RABEPK: variants seen among roughly 807,000 people sequenced by gnomAD.
RABEPK encodes 40 kDa Rab9 effector protein.
Under a neutral mutation model 34.1 loss-of-function variants are expected in RABEPK, and 27 were observed. The observed-to-expected ratio is 0.79, with a 90% CI of 0.58 to 1.09. The LOEUF is 1.09. Among genes scored for constraint, RABEPK ranks in the 50% least tolerant of loss-of-function variants. The probability of loss-of-function intolerance (pLI) is 0.00; values close to 1 mark genes in which losing one functional copy is unlikely to be tolerated. For missense variants in RABEPK, 449 were observed against 462.6 expected (o/e 0.97, Z 0.27); for synonymous variants, 172 against 169.2 (o/e 1.02, Z -0.13).
chr9:125,210,839 G>GTT (rs201607797), intron 3 of RABEPK, among the ~76,000 whole-genome samples: 10 of 135,526 alleles, frequency 7.4e-5, no homozygotes, highest in Non-Finnish European at 9.2e-5. Context: ...TTAATCTTAA[G>GTT]TTTTGTTTTT....
intron 5 of RABEPK, among the ~76,000 whole-genome samples, chr9:125,224,363 A>G (rs1041920054): frequency 6.6e-6 from 1 of 151,670 alleles, no homozygotes; most frequent in Admixed American, 6.6e-5. Flanking sequence ...CATATTCATA[A>G]CTCTCATGTA....
chr9:125,210,271 C>T (rs562675567), intron 3 of RABEPK, among the ~76,000 whole-genome samples: 10 of 149,930 alleles, frequency 6.7e-5, no homozygotes, highest in South Asian at 2.1e-4. Flanking sequence ...GGCGTGGTGG[C>T]GGGCACCTAT....
At chr9:125,202,417 G>A (rs1182766646) in intron 1 of RABEPK, among the ~76,000 whole-genome samples, 1 of 152,024 alleles carries the variant, frequency 6.6e-6, no homozygotes, top group Non-Finnish European at 1.5e-5. Context: ...AGCTACTCAG[G>A]AGGCTGAGAA....
At chr9:125,205,074 T>C (rs760082899) in intron 2 of RABEPK, among the ~76,000 whole-genome samples, 27 of 151,992 alleles carry the variant, frequency 1.8e-4, no homozygotes, top group Non-Finnish European at 3.1e-4. Flanking sequence ...CCTCCCACTC[T>C]AGCCTCCCAA....
At chr9:125,232,342 TTC>T (rs1832254411) in intron 6 of RABEPK, among the ~76,000 whole-genome samples, 1 of 151,960 alleles carries the variant, frequency 6.6e-6, no homozygotes, top group Non-Finnish European at 1.5e-5. Context: ...TGTATCACAT[TTC>T]TGTGTGATCC....
At chr9:125,219,197 T>G in intron 4 of RABEPK, among the ~76,000 whole-genome samples, 1 of 149,214 alleles carries the variant, frequency 6.7e-6, no homozygotes, top group Non-Finnish European at 1.5e-5. Context: ...ATTTCTTTCT[T>G]TCTTTTTTTT....
rs1422794458 is a variant in RABEPK, at chr9:125,207,654, G to C, written c.144G>C (p.Gly48=). Residue 48 remains glycine (G), a synonymous_variant, in exon 3 of 8, where the codon GGG becomes GGC. Transcript: ENST00000373538. ...YLPPVGNAKR[G]KVFIVGGANP... ...CCCCAGTTGGTAATGCCAAGAGAGG[G>C]AAGGTCTTCATTGTTGGGGGAGCAA... 6.2e-7 allele frequency: 1 copy of C among 1,614,174 alleles called. No homozygotes were observed. The highest frequency in any genetic ancestry group is 8.5e-7 in the Non-Finnish European group (1 of 1,180,024).
At chr9:125,227,031 G>A (rs10121756) in intron 5 of RABEPK, among the ~76,000 whole-genome samples, 85,073 of 151,142 alleles carry the variant, frequency 0.56, 24,158 homozygotes, top group Admixed American at 0.64. Context: ...TTAGCTGCAT[G>A]TGGTGTTGCA....
chr9:125,227,859 G>A, intron 5 of RABEPK, 51 bp from the exon 6 acceptor site: 2 of 1,487,258 alleles, frequency 1.3e-6, no homozygotes, highest in Non-Finnish European at 1.8e-6. Context: ...TGTTTCTCGT[G>A]TTCTTTTTTA....
intron 4 of RABEPK, among the ~76,000 whole-genome samples, chr9:125,216,608 C>T (rs955727274): frequency 3.3e-5 from 5 of 151,912 alleles, no homozygotes; most frequent in Non-Finnish European, 5.9e-5. Context: ...GGAACATAAG[C>T]GCTTTGAAGG....
chr9:125,233,766 C>T lies in RABEPK; in HGVS notation c.905C>T (p.Pro302Leu), dbSNP rs760788635. The change falls in exon 8 of 8, where the codon CCA becomes CTA. Residue 302 changes from proline (P) to leucine (L), a missense_variant. Coordinates refer to ENST00000373538, the MANE Select transcript of RABEPK (RefSeq NM_005833.4). ...GRLDHSMCII[P>L]WPVTCASEKE... is the part of the protein sequence containing the mutation. ...TTGGACCATTCCATGTGTATCATTC[C>T]ATGGCCAGTGACGTGTGCTTCTGAG... 9 of 1,613,942 alleles carry T rather than the reference C, an allele frequency of 5.6e-6. No homozygotes were observed. Among genetic ancestry groups the T allele is most frequent in the East Asian group, 4.5e-5 (2 of 44,878 alleles).
Position 125,233,862 on chromosome 9 carries a change from G to T in RABEPK, c.1001G>T (p.Ser334Ile). The stretch of plus-strand genomic sequence containing the variant: ...GAGGATTCAGCTGACAAAGTAATGA[G>T]CCACAGTGGTGACTCACATGAGGAA... ...EKEDSADKVMSHSGDSHEESQ... is the reference protein window; with the variant it reads ...EKEDSADKVMIHSGDSHEESQ... The change falls in exon 8 of 8, where the codon AGC becomes ATC. Residue 334 changes from serine to isoleucine, a missense_variant. Ser to Ile is a moderately radical substitution (Grantham distance 142, BLOSUM62 -2). Coordinates refer to ENST00000373538, the MANE Select transcript of RABEPK (RefSeq NM_005833.4). 1.2e-6 allele frequency: 2 copies of T among 1,614,190 alleles called. No homozygotes were observed. Among genetic ancestry groups the T allele is most frequent in the Non-Finnish European group, 1.7e-6 (2 of 1,180,034 alleles).
chr9:125,201,804 A>G (rs1006008551), intron 1 of RABEPK, among the ~76,000 whole-genome samples: 29 of 151,910 alleles, frequency 1.9e-4, no homozygotes, highest in African/African-American at 7.0e-4. Context: ...TTTAGTAAAG[A>G]CAGGGTTTCA....
chr9:125,218,357 T>G (rs959059398), intron 4 of RABEPK, among the ~76,000 whole-genome samples: 3 of 133,316 alleles, frequency 2.3e-5, no homozygotes, highest in Admixed American at 7.5e-5. Context: ...AAGAACTGAG[T>G]TCAAACTCCT....
At chr9:125,201,104 T>C (rs1829880049) in intron 1 of RABEPK, among the ~76,000 whole-genome samples, 198 bp downstream of exon 1, 1 of 152,190 alleles carries the variant, frequency 6.6e-6, no homozygotes, top group Admixed American at 6.5e-5. Context: ...TTCCAAATGA[T>C]TCCTGCAATG....
At chr9:125,233,647 G>C in intron 7 of RABEPK, 41 bp from the exon 8 acceptor site, 1 of 1,587,554 alleles carries the variant, frequency 6.3e-7, no homozygotes, top group Non-Finnish European at 8.6e-7. Flanking sequence ...CGGCCTATCT[G>C]GAAATTTCTT....
At chr9:125,221,201 A>AATAAATAAATAC (rs1254852204) in intron 5 of RABEPK, 1 of 149,916 alleles carries the variant, frequency 6.7e-6, no homozygotes, top group Non-Finnish European at 1.5e-5. Context: ...TAAATAAATA[A>AATAAATAAATAC]AACTAAAAAG....
intron 4 of RABEPK, 104 bp from the exon 5 acceptor site, chr9:125,220,435 C>A (rs754577198): frequency 4.0e-6 from 6 of 1,510,014 alleles, no homozygotes; most frequent in South Asian, 1.4e-5. Flanking sequence ...ATGCTGGCCC[C>A]CCTGGGGATT....
chr9:125,217,636 A>T (rs776881896), intron 4 of RABEPK, among the ~76,000 whole-genome samples: 5 of 152,166 alleles, frequency 3.3e-5, no homozygotes, highest in Non-Finnish European at 4.4e-5. Flanking sequence ...ATTTGACATC[A>T]TGCCCAAGAA....
Sources: gnomAD v4.1 joint callset for allele counts (sites outside exome capture counted in the v4.1 genomes callset) on GRCh38, gnomAD v4.1.1 for gene constraint, MANE v1.5 for transcripts, NCBI Gene and HGNC (gene_info 2026-07-23, HGNC 2026-07-21) for gene names.